Variants in ARHGAP15 observed in about 807,000 individuals in gnomAD.
ARHGAP15 encodes the protein Rho GTPase activating protein 15.
ARHGAP15 carries 51 observed loss-of-function variants against 63.7 expected under a neutral mutation model. The ratio of observed to expected loss-of-function variants is 0.80; its 90% CI spans 0.64 to 1.01. The LOEUF is 1.01. Among genes scored for constraint, ARHGAP15 ranks in the 50% least tolerant of loss-of-function variants. ARHGAP15 has a pLI of 0.00. For synonymous variants in ARHGAP15, 191 were observed against 193.8 expected (o/e 0.99, Z 0.12); for missense variants, 560 against 564.6 (o/e 0.99, Z 0.08).
chr2:143,516,142 C>G (rs1007179167), intron 9 of ARHGAP15, among the ~76,000 whole-genome samples: 1 of 152,162 alleles, frequency 6.6e-6, no homozygotes, highest in Non-Finnish European at 1.5e-5. Context: ...AATGTTCTTA[C>G]CTGTTTACTT....
intron 13 of ARHGAP15, among the ~76,000 whole-genome samples, chr2:143,721,893 C>A (rs968789909): frequency 2.0e-5 from 3 of 152,106 alleles, no homozygotes; most frequent in African/African-American, 4.8e-5. Flanking sequence ...CACTGTATTG[C>A]GCAGGCTGTT....
At chr2:143,132,440 C>A (rs568890355) in intron 1 of ARHGAP15, among the ~76,000 whole-genome samples, 5 of 152,336 alleles carry the variant, frequency 3.3e-5, no homozygotes, top group East Asian at 1.9e-4. Flanking sequence ...GAAGCTCTCA[C>A]GAAATTGTCA....
rs532152165 is a variant in ARHGAP15 at position 143,205,930 on chromosome 2, C to G, written c.234+3728C>G. 1.3e-4 allele frequency among the ~76,000 whole-genome samples: 20 copies of G among 152,176 alleles called. 1 individual carries two copies. Among genetic ancestry groups the G allele is most frequent in the Middle Eastern group, 3.4e-3 (1 of 294 alleles). On this transcript the variant is annotated intron_variant, in intron 3 of 13. Transcript: ENST00000295095. The stretch of plus-strand genomic sequence containing the variant: ...ACCTTATCATACCCTATCATCCCCC[C>G]CACTGATCCTAGGCAGCAATTCCAG...
At chr2:143,379,515 G>A (rs1194755864) in intron 6 of ARHGAP15, among the ~76,000 whole-genome samples, 3 of 151,186 alleles carry the variant, frequency 2.0e-5, no homozygotes, top group African/African-American at 7.3e-5. Context: ...GTGTGTGTGT[G>A]TGTGTGTGTG....
At chr2:143,405,523 AT>A (rs911517681) in intron 6 of ARHGAP15, among the ~76,000 whole-genome samples, 5 of 151,874 alleles carry the variant, frequency 3.3e-5, no homozygotes, top group African/African-American at 1.2e-4. Context: ...TATTAGTTAT[AT>A]TTTTTGTCAA....
intron 1 of ARHGAP15, among the ~76,000 whole-genome samples, chr2:143,136,074 C>T (rs891040814): frequency 1.3e-5 from 2 of 152,082 alleles, no homozygotes; most frequent in African/African-American, 4.8e-5. Flanking sequence ...CAGCCTGCTT[C>T]TTTCCTTTTT....
At chr2:143,633,713 T>C (rs1215978981) in intron 12 of ARHGAP15, among the ~76,000 whole-genome samples, 1 of 152,120 alleles carries the variant, frequency 6.6e-6, no homozygotes, top group Non-Finnish European at 1.5e-5. Flanking sequence ...TCCTCAAAAC[T>C]TGGTGGAAAG....
intron 11 of ARHGAP15, among the ~76,000 whole-genome samples, chr2:143,576,183 G>C (rs925331517): frequency 6.6e-6 from 1 of 152,118 alleles, no homozygotes; most frequent in Admixed American, 6.6e-5. Context: ...AGTGTAGGTG[G>C]ATGCTTATGT....
At chr2:143,403,273 G>C (rs1166031197) in intron 6 of ARHGAP15, among the ~76,000 whole-genome samples, 1 of 151,452 alleles carries the variant, frequency 6.6e-6, no homozygotes, top group African/African-American at 2.4e-5. Flanking sequence ...TTGGAGACCT[G>C]GGTATATTAT....
chr2:143,556,943 A>T (rs1371999332), intron 11 of ARHGAP15, among the ~76,000 whole-genome samples: 2 of 152,106 alleles, frequency 1.3e-5, no homozygotes, highest in Non-Finnish European at 2.9e-5. Flanking sequence ...TGTAAATTAA[A>T]ACAATGAGAT....
chr2:143,139,909 A>G (rs1430757267), intron 1 of ARHGAP15, among the ~76,000 whole-genome samples: 1 of 152,140 alleles, frequency 6.6e-6, no homozygotes, highest in Non-Finnish European at 1.5e-5. Context: ...AATCTTTCTG[A>G]GTCTGCATTG....
At position 143,395,043 on chromosome 2, in the gene ARHGAP15, C is replaced by T. The variant is rs189708153; in HGVS notation, c.475-40558C>T. Among the ~76,000 whole-genome samples, 207 of 152,184 alleles carry T rather than the reference C, an allele frequency of 1.4e-3. 1 individual carries two copies. Among genetic ancestry groups the T allele is most frequent in the African/African-American group, 4.8e-3 (200 of 41,518 alleles). On this transcript the variant is annotated intron_variant, in intron 6 of 13. Transcript: ENST00000295095. Reference sequence around the variant, plus strand: ...ACTGTCTTTCTGGATCACCTACTACCACATTTAGCAACCAAACCAAACATA... The same window carrying T: ...ACTGTCTTTCTGGATCACCTACTACTACATTTAGCAACCAAACCAAACATA...
chr2:143,366,576 A>G (rs1189693128), intron 6 of ARHGAP15, among the ~76,000 whole-genome samples: 1 of 152,056 alleles, frequency 6.6e-6, no homozygotes, highest in African/African-American at 2.4e-5. Context: ...AAAATTGTGC[A>G]TTTTGGTATC....
At chr2:143,337,440 A>G (rs1286241085) in intron 6 of ARHGAP15, among the ~76,000 whole-genome samples, 2 of 152,188 alleles carry the variant, frequency 1.3e-5, no homozygotes, top group African/African-American at 2.4e-5. Flanking sequence ...TATGACAAAT[A>G]TGTCAAATTT....
chr2:143,201,154 G>C (rs1692100206), intron 2 of ARHGAP15, among the ~76,000 whole-genome samples: 1 of 151,454 alleles, frequency 6.6e-6, no homozygotes, highest in African/African-American at 2.4e-5. Context: ...CTGTTGCCCA[G>C]GCTGGAGTGC....
chr2:143,323,921 A>AAAAAAAC (rs1558893097), intron 6 of ARHGAP15, among the ~76,000 whole-genome samples: 2 of 149,654 alleles, frequency 1.3e-5, no homozygotes, highest in African/African-American at 4.9e-5. Context: ...AAAAAAAAAA[A>AAAAAAAC]AACACCTAAA....
intron 1 of ARHGAP15, among the ~76,000 whole-genome samples, chr2:143,130,736 A>G (rs142014144): frequency 1.4e-4 from 22 of 152,286 alleles, no homozygotes; most frequent in African/African-American, 5.1e-4. Flanking sequence ...TTGGTGTTCA[A>G]TACATTTTTT....
intron 8 of ARHGAP15, among the ~76,000 whole-genome samples, chr2:143,479,797 T>C (rs1283153636): frequency 6.6e-6 from 1 of 152,138 alleles, no homozygotes; most frequent in African/African-American, 2.4e-5. Flanking sequence ...ACATACAAGA[T>C]AGGTTTTGCT....
At chr2:143,147,567 G>T (rs1238614928) in intron 1 of ARHGAP15, among the ~76,000 whole-genome samples, 1 of 151,902 alleles carries the variant, frequency 6.6e-6, no homozygotes. Context: ...TTTACTACCT[G>T]CCTGATCATC....
Sources: gnomAD v4.1 joint callset for allele counts (sites outside exome capture counted in the v4.1 genomes callset) on GRCh38, gnomAD v4.1.1 for gene constraint, MANE v1.5 for transcripts, NCBI Gene and HGNC (gene_info 2026-07-23, HGNC 2026-07-21) for gene names.